The following FCHO2 variants were observed in gnomAD, a reference collection of about 807,000 sequenced individuals.
FCHO2 encodes the protein F-BAR domain only protein 2.
FCHO2 carries 43 observed loss-of-function variants against 114.1 expected under a neutral mutation model. The observed-to-expected ratio is 0.38, with a 90% CI of 0.30 to 0.49. FCHO2 has a LOEUF of 0.49. Ranked by LOEUF, FCHO2 falls within the 20% of genes least tolerant of loss-of-function variation. The pLI, the probability that FCHO2 is intolerant of heterozygous loss-of-function variation, is 0.97. For synonymous variants in FCHO2, 293 were observed against 315.2 expected, an observed-to-expected ratio of 0.93 and a Z score of 0.75; for missense variants, 807 against 950.4, an observed-to-expected ratio of 0.85 and a Z score of 1.98.
intron 24 of FCHO2, among the ~76,000 whole-genome samples, chr5:73,085,780 AT>A (rs1201985058): frequency 7.6e-3 from 31 of 4,062 alleles, no homozygotes; most frequent in Non-Finnish European, 6.2e-3. Context: ...GTCTCAAAAA[AT>A]AAATAAATAA....
intron 11 of FCHO2, 56 bp from the exon 12 acceptor site, chr5:73,051,286 ATAATCTC>A: frequency 8.7e-7 from 1 of 1,144,978 alleles, no homozygotes; most frequent in South Asian, 1.4e-5. Flanking sequence ...GGCTACTTTG[ATAATCTC>A]TAATAATTTT....
At chr5:73,040,560 G>T (rs887963661) in intron 10 of FCHO2, among the ~76,000 whole-genome samples, 1 of 151,992 alleles carries the variant, frequency 6.6e-6, no homozygotes, top group African/African-American at 2.4e-5. Flanking sequence ...ACATATTTAG[G>T]TCTTCTTTAT....
At chr5:72,986,893 T>G (rs1753551002) in intron 2 of FCHO2, among the ~76,000 whole-genome samples, 1 of 151,366 alleles carries the variant, frequency 6.6e-6, no homozygotes, top group African/African-American at 2.4e-5. Flanking sequence ...TTCTTTTTTT[T>G]TTTTGAGACG....
intron 2 of FCHO2, among the ~76,000 whole-genome samples, chr5:72,973,419 G>C (rs1350718561): frequency 6.6e-6 from 1 of 152,046 alleles, no homozygotes; most frequent in Admixed American, 6.6e-5. Context: ...CTTCTTCCTG[G>C]TTTAGTCTTG....
intron 18 of FCHO2, among the ~76,000 whole-genome samples, chr5:73,067,102 G>A (rs6880813): frequency 0.3 from 45,226 of 151,778 alleles, 6,963 homozygotes; most frequent in East Asian, 0.44. Flanking sequence ...TCTGTATGTT[G>A]TAGCACATCT....
intron 1 of FCHO2, among the ~76,000 whole-genome samples, chr5:72,957,136 GTTAT>G (rs1194541955): frequency 6.6e-6 from 1 of 152,086 alleles, no homozygotes; most frequent in Admixed American, 6.6e-5. Context: ...TCAGTTCATA[GTTAT>G]TTATTTGTCT....
At chr5:73,083,964 C>T (rs766889618) in intron 24 of FCHO2, among the ~76,000 whole-genome samples, 3 of 151,530 alleles carry the variant, frequency 2.0e-5, no homozygotes, top group Non-Finnish European at 4.4e-5. Context: ...TGTCCATTTC[C>T]CCCTATTAAA....
chr5:73,002,003 A>G (rs1281944547), intron 5 of FCHO2, among the ~76,000 whole-genome samples: 1 of 152,076 alleles, frequency 6.6e-6, no homozygotes, highest in African/African-American at 2.4e-5. Flanking sequence ...ATAAAATTTT[A>G]TAATTTCCTG....
chr5:73,036,408 C>G (rs1403088453), intron 9 of FCHO2, among the ~76,000 whole-genome samples: 1 of 151,936 alleles, frequency 6.6e-6, no homozygotes, highest in Admixed American at 6.6e-5. Flanking sequence ...GGGTCTCACT[C>G]TGTCACTCAG....
chr5:72,977,554 C>T (rs1256086059), intron 2 of FCHO2, among the ~76,000 whole-genome samples: 2 of 152,186 alleles, frequency 1.3e-5, no homozygotes, highest in East Asian at 3.9e-4. Context: ...AAAATTTTCT[C>T]CCATTCTGTA....
intron 24 of FCHO2, among the ~76,000 whole-genome samples, chr5:73,084,248 AG>A (rs1743217774): frequency 6.6e-6 from 1 of 151,574 alleles, no homozygotes; most frequent in African/African-American, 2.4e-5. Flanking sequence ...TTGTTTTTTT[AG>A]GGTTTGGTTT....
intron 11 of FCHO2, 42 bp from the exon 12 acceptor site, chr5:73,051,307 C>A: frequency 1.5e-6 from 2 of 1,317,444 alleles, no homozygotes; most frequent in Non-Finnish European, 2.1e-6. Context: ...TAATTTTGTA[C>A]ATTGGAGTTG....
intron 5 of FCHO2, chr5:72,997,661 C>A: frequency 1.3e-6 from 2 of 1,525,112 alleles, no homozygotes; most frequent in African/African-American, 2.7e-5. Flanking sequence ...GCTCCCCCTT[C>A]ACCTGAGTTG....
At chr5:72,980,599 C>CA (rs1423090153) in intron 2 of FCHO2, among the ~76,000 whole-genome samples, 3 of 152,096 alleles carry the variant, frequency 2.0e-5, no homozygotes, top group African/African-American at 7.2e-5. Flanking sequence ...TTGTAGGTCT[C>CA]AAAGAACTTG....
chr5:72,970,259 C>G (rs916224866), intron 2 of FCHO2, among the ~76,000 whole-genome samples: 4 of 152,158 alleles, frequency 2.6e-5, no homozygotes, highest in African/African-American at 7.2e-5. Flanking sequence ...TGGGATACAA[C>G]AGAATATTGT....
chr5:72,984,670 A>G (rs1158592094), intron 2 of FCHO2, among the ~76,000 whole-genome samples: 2 of 152,034 alleles, frequency 1.3e-5, no homozygotes, highest in Non-Finnish European at 2.9e-5. Flanking sequence ...ATTTATTATT[A>G]TTATTATTTT....
chr5:73,036,628 G>A (rs1177116006), intron 9 of FCHO2, among the ~76,000 whole-genome samples: 1 of 151,990 alleles, frequency 6.6e-6, no homozygotes, highest in South Asian at 2.1e-4. Context: ...TGTCCGCTTT[G>A]GCCTTCCAAA....
intron 6 of FCHO2, among the ~76,000 whole-genome samples, chr5:73,010,300 A>T (rs1467370782): frequency 6.6e-6 from 1 of 152,178 alleles, no homozygotes; most frequent in African/African-American, 2.4e-5. Flanking sequence ...AAAATGATTG[A>T]AATTGTGACT....
At chr5:73,063,050 G>A (rs1757921894) in intron 17 of FCHO2, among the ~76,000 whole-genome samples, 2 of 152,098 alleles carry the variant, frequency 1.3e-5, no homozygotes, top group Admixed American at 6.6e-5. Flanking sequence ...ATTTTAAAGA[G>A]GGTTTAAACC....
Sources: allele counts gnomAD v4.1 joint callset (sites outside exome capture counted in the v4.1 genomes callset), GRCh38; gene constraint gnomAD v4.1.1; transcripts MANE v1.5; gene names NCBI Gene and HGNC (gene_info 2026-07-23, HGNC 2026-07-21).